Variants in LRRTM4 observed in about 807,000 individuals in gnomAD.
LRRTM4 encodes leucine-rich repeat transmembrane neuronal protein 4.
In LRRTM4, 25 loss-of-function variants were observed where a neutral mutation model predicts 47.6. The ratio of observed to expected loss-of-function variants is 0.53; its 90% CI spans 0.38 to 0.73. LRRTM4 has a LOEUF of 0.73. LRRTM4 is among the 30% of genes least tolerant of loss of function. The pLI, the probability that LRRTM4 is intolerant of heterozygous loss-of-function variation, is 0.00. For missense variants in LRRTM4, 638 were observed against 713.4 expected, an observed-to-expected ratio of 0.89 and a Z score of 1.20; for synonymous variants, 311 against 269.5, an observed-to-expected ratio of 1.15 and a Z score of -1.51.
At chr2:77,452,397 C>A (rs148930402) in intron 3 of LRRTM4, among the ~76,000 whole-genome samples, 1 of 152,194 alleles carries the variant, frequency 6.6e-6, no homozygotes, top group East Asian at 1.9e-4. Context: ...TGTTGAGGGT[C>A]TTAAGAATGA....
intron 3 of LRRTM4, among the ~76,000 whole-genome samples, chr2:77,324,683 G>T (rs1476032710): frequency 6.6e-6 from 1 of 152,116 alleles, no homozygotes; most frequent in East Asian, 1.9e-4. Context: ...ACGAAAACAA[G>T]ATTATACTAC....
intron 3 of LRRTM4, among the ~76,000 whole-genome samples, chr2:77,128,239 C>T (rs1423145436): frequency 2.6e-5 from 4 of 151,264 alleles, no homozygotes; most frequent in African/African-American, 4.9e-5. Context: ...ATACAGATGA[C>T]GTAAGGGAAA....
intron 3 of LRRTM4, among the ~76,000 whole-genome samples, chr2:77,244,110 T>G (rs13028534): frequency 0.44 from 53,088 of 120,192 alleles, 10,770 homozygotes; most frequent in Middle Eastern, 0.49. Flanking sequence ...TCATCATTTT[T>G]TATGGCTGCA....
At chr2:76,849,438 T>C (rs948887477) in intron 3 of LRRTM4, among the ~76,000 whole-genome samples, 1 of 152,102 alleles carries the variant, frequency 6.6e-6, no homozygotes, top group African/African-American at 2.4e-5. Context: ...ATTTCCCAGA[T>C]GTATTGTGGG....
chr2:76,941,474 C>T (rs1675140534), intron 3 of LRRTM4, among the ~76,000 whole-genome samples: 2 of 148,606 alleles, frequency 1.3e-5, no homozygotes, highest in South Asian at 2.2e-4. Flanking sequence ...TGCCCCTAAT[C>T]CCCCAACAAC....
chr2:77,003,987 G>A (rs749435312), intron 3 of LRRTM4, among the ~76,000 whole-genome samples: 2 of 152,164 alleles, frequency 1.3e-5, no homozygotes, highest in Non-Finnish European at 2.9e-5. Context: ...AACTGGTAGC[G>A]TTTTGCCACT....
intron 3 of LRRTM4, among the ~76,000 whole-genome samples, chr2:76,895,689 C>T (rs74699005): frequency 2.6e-5 from 4 of 151,980 alleles, no homozygotes; most frequent in African/African-American, 7.2e-5. Flanking sequence ...GCCTTCATCA[C>T]GCCATCGGAA....
At chr2:76,900,302 G>A (rs1394151767) in intron 3 of LRRTM4, among the ~76,000 whole-genome samples, 1 of 151,116 alleles carries the variant, frequency 6.6e-6, no homozygotes, top group Non-Finnish European at 1.5e-5. Context: ...TATAGAGTGT[G>A]GGATACTGAT....
chr2:77,137,518 A>G (rs1348114929), intron 3 of LRRTM4, among the ~76,000 whole-genome samples: 1 of 151,976 alleles, frequency 6.6e-6, no homozygotes, highest in Non-Finnish European at 1.5e-5. Context: ...CACTGCAAAA[A>G]CATGCCAAAT....
chr2:76,900,959 T>C (rs972572838), intron 3 of LRRTM4, among the ~76,000 whole-genome samples: 7 of 152,120 alleles, frequency 4.6e-5, no homozygotes, highest in Admixed American at 1.3e-4. Context: ...CTAACATTTC[T>C]TTCTCTCTTT....
At chr2:77,221,214 A>G (rs1573097756) in intron 3 of LRRTM4, among the ~76,000 whole-genome samples, 1 of 152,210 alleles carries the variant, frequency 6.6e-6, no homozygotes, top group Admixed American at 6.5e-5. Flanking sequence ...AGCACTAAAC[A>G]TGGAAAGGAA....
chr2:76,872,018 G>C (rs1308581930), intron 3 of LRRTM4, among the ~76,000 whole-genome samples: 1 of 152,190 alleles, frequency 6.6e-6, no homozygotes, highest in Non-Finnish European at 1.5e-5. Flanking sequence ...CGAGGCAGAA[G>C]ACCTAGCTAA....
In LRRTM4 at chr2:77,102,013, AGGACAAACAAAG is replaced by A. The variant is rs569457552; in HGVS notation, c.1552-353109_1552-353098del. On this transcript the variant is annotated intron_variant, in intron 3 of 3. Transcript: ENST00000409884. The stretch of plus-strand genomic sequence containing the variant: ...ACTGCAGGAACTAAGCGGATATTGC[AGGACAAACAAAG>A]GGACTTTCTTCCTGTTTCCCAGTTA... 4.6e-5 allele frequency among the ~76,000 whole-genome samples: 7 copies of A among 152,328 alleles called. No homozygotes were observed. The East Asian group carries it at 1.4e-3, about 29-fold the overall frequency.
chr2:77,469,671 T>C (rs1034788433), intron 3 of LRRTM4, among the ~76,000 whole-genome samples: 15 of 152,142 alleles, frequency 9.9e-5, no homozygotes, highest in African/African-American at 3.6e-4. Context: ...TCAATCTCAC[T>C]CTGGAAAGGA....
chr2:77,154,187 T>C (rs540517359), intron 3 of LRRTM4, among the ~76,000 whole-genome samples: 2 of 152,316 alleles, frequency 1.3e-5, no homozygotes, highest in South Asian at 4.1e-4. Flanking sequence ...TCCATTTAGC[T>C]TCTTCTCTTT....
At chr2:77,444,200 T>C (rs925247502) in intron 3 of LRRTM4, among the ~76,000 whole-genome samples, 1 of 152,042 alleles carries the variant, frequency 6.6e-6, no homozygotes. Flanking sequence ...ACAACATGAA[T>C]GATATACCTA....
chr2:77,451,962 T>C (rs921326973), intron 3 of LRRTM4, among the ~76,000 whole-genome samples: 1 of 152,154 alleles, frequency 6.6e-6, no homozygotes, highest in Non-Finnish European at 1.5e-5. Flanking sequence ...TACTAATGCT[T>C]CTGGTAACTA....
intron 3 of LRRTM4, among the ~76,000 whole-genome samples, chr2:76,826,046 A>T (rs1019987705): frequency 3.3e-5 from 5 of 151,786 alleles, no homozygotes. Context: ...AATGAATAGA[A>T]TTACACATAG....
chr2:77,081,758 G>T lies in LRRTM4; in HGVS notation c.1552-332842C>A, dbSNP rs564296667. Among the ~76,000 whole-genome samples, 19 of 152,228 alleles carry T rather than the reference G, an allele frequency of 1.2e-4. No individual in the cohort carries two copies. In the South Asian group the frequency reaches 3.7e-3, roughly 30 times the overall value. ...CTAGACCTAATTTTCTGATAATGCT[G>T]CACACTGAAAAACTGTTTAACTTTC... On this transcript the variant is annotated intron_variant, in intron 3 of 3. Coordinates refer to ENST00000409884, the MANE Select transcript of LRRTM4 (RefSeq NM_001134745.3).
Sources: gnomAD v4.1 joint callset for allele counts (sites outside exome capture counted in the v4.1 genomes callset) on GRCh38, gnomAD v4.1.1 for gene constraint, MANE v1.5 for transcripts, NCBI Gene and HGNC (gene_info 2026-07-23, HGNC 2026-07-21) for gene names.